Variants in PLD5 observed in about 807,000 individuals in gnomAD.
The protein encoded by PLD5 is phospholipase D family member 5.
Under a neutral mutation model 61.1 loss-of-function variants are expected in PLD5, and 36 were observed. The observed-to-expected ratio is 0.59, with a 90% CI of 0.45 to 0.78. The LOEUF is 0.78. Ranked by LOEUF, PLD5 falls within the 30% of genes least tolerant of loss-of-function variation. The probability of loss-of-function intolerance (pLI) is 0.00; values close to 1 mark genes in which losing one functional copy is unlikely to be tolerated. For synonymous variants in PLD5, 243 were observed against 242.8 expected, an observed-to-expected ratio of 1.00 and a Z score of -0.01; for missense variants, 515 against 644.4, an observed-to-expected ratio of 0.80 and a Z score of 2.17.
At chr1:242,395,145 T>A (rs1228881313) in intron 1 of PLD5, among the ~76,000 whole-genome samples, 1 of 148,228 alleles carries the variant, frequency 6.7e-6, no homozygotes, top group African/African-American at 2.5e-5. Flanking sequence ...ATATTTTAAA[T>A]AGAGCTATTC....
At chr1:242,502,895 T>C (rs1252414250) in intron 1 of PLD5, among the ~76,000 whole-genome samples, 2 of 152,030 alleles carry the variant, frequency 1.3e-5, no homozygotes, top group Non-Finnish European at 2.9e-5. Flanking sequence ...ACCCTGTCTC[T>C]ACTAAAAATA....
intron 9 of PLD5, among the ~76,000 whole-genome samples, chr1:242,094,601 C>T (rs749626230): frequency 6.6e-6 from 1 of 151,872 alleles, no homozygotes; most frequent in South Asian, 2.1e-4. Context: ...TAGAACTGTG[C>T]TTCAGTCTAG....
At chr1:242,514,259 A>C (rs1669029086) in intron 1 of PLD5, among the ~76,000 whole-genome samples, 1 of 152,170 alleles carries the variant, frequency 6.6e-6, no homozygotes, top group Admixed American at 6.5e-5. Context: ...TGCTCTCCCA[A>C]ACAGTTTTTG....
chr1:242,391,719 C>G (rs1190724802), intron 1 of PLD5, among the ~76,000 whole-genome samples: 1 of 152,124 alleles, frequency 6.6e-6, no homozygotes, highest in Admixed American at 6.6e-5. Flanking sequence ...AAATAGTAAT[C>G]AGATGCCAGG....
intron 1 of PLD5, among the ~76,000 whole-genome samples, chr1:242,402,311 CTT>C (rs1663983889): frequency 6.6e-6 from 1 of 152,200 alleles, no homozygotes; most frequent in African/African-American, 2.4e-5. Context: ...TTGCATGAAT[CTT>C]TACCACATTG....
intron 3 of PLD5, among the ~76,000 whole-genome samples, chr1:242,267,004 C>T (rs1673718728): frequency 6.6e-6 from 1 of 152,054 alleles, no homozygotes; most frequent in African/African-American, 2.4e-5. Flanking sequence ...GTAATCCCAG[C>T]TACCCTGGAG....
chr1:242,280,445 T>G, intron 3 of PLD5, among the ~76,000 whole-genome samples: 1 of 135,452 alleles, frequency 7.4e-6, no homozygotes, highest in African/African-American at 2.5e-5. Flanking sequence ...TTTATACGTG[T>G]TTTATTTTTC....
chr1:242,146,317 T>C (rs1664538517), intron 5 of PLD5, among the ~76,000 whole-genome samples: 1 of 152,224 alleles, frequency 6.6e-6, no homozygotes, highest in African/African-American at 2.4e-5. Flanking sequence ...AATGACCTTT[T>C]TAATTTGTAA....
At chr1:242,516,712 C>T in intron 1 of PLD5, among the ~76,000 whole-genome samples, 1 of 152,278 alleles carries the variant, frequency 6.6e-6, no homozygotes, top group African/African-American at 2.4e-5. Flanking sequence ...TACCACACTG[C>T]TTTAATTAAT....
chr1:242,311,903 C>G (rs1676718137), intron 2 of PLD5, among the ~76,000 whole-genome samples: 1 of 110,906 alleles, frequency 9.0e-6, no homozygotes, highest in African/African-American at 3.4e-5. Context: ...TTTTGTTATT[C>G]TCTTTTCTTT....
At chr1:242,216,651 C>G (rs766817482) in intron 5 of PLD5, among the ~76,000 whole-genome samples, 6 of 152,222 alleles carry the variant, frequency 3.9e-5, no homozygotes, top group Non-Finnish European at 7.3e-5. Flanking sequence ...GGCCACGACT[C>G]TTTACAGCAC....
At chr1:242,093,280 G>A (rs919201163) in intron 9 of PLD5, among the ~76,000 whole-genome samples, 4 of 152,104 alleles carry the variant, frequency 2.6e-5, no homozygotes, top group South Asian at 2.1e-4. Flanking sequence ...AGTAGCTCCC[G>A]TGGGTTGAGT....
chr1:242,328,351 GTGTGTTCTACATA>G (rs1029907654), intron 2 of PLD5, among the ~76,000 whole-genome samples: 5 of 151,796 alleles, frequency 3.3e-5, no homozygotes, highest in Middle Eastern at 3.4e-3. Context: ...TGTTCTACAT[GTGTGTTCTACATA>G]TGTGTTCTAC....
chr1:242,432,445 G>A (rs1425963691), intron 1 of PLD5, among the ~76,000 whole-genome samples: 2 of 152,198 alleles, frequency 1.3e-5, no homozygotes, highest in Non-Finnish European at 2.9e-5. Context: ...AATATGGGAG[G>A]GGCCTTCATT....
chr1:242,241,868 A>AATAT (rs1672030581), intron 4 of PLD5, among the ~76,000 whole-genome samples: 1 of 84,798 alleles, frequency 1.2e-5, no homozygotes, highest in African/African-American at 3.9e-5. Context: ...TGCTTTACTT[A>AATAT]CTATATATAT....
At chr1:242,331,214 G>C (rs1659148863) in intron 2 of PLD5, among the ~76,000 whole-genome samples, 1 of 152,158 alleles carries the variant, frequency 6.6e-6, no homozygotes, top group Admixed American at 6.5e-5. Flanking sequence ...CGTTCTAGAA[G>C]AGACGACAGT....
At chr1:242,398,771 T>A (rs2149275984) in intron 1 of PLD5, among the ~76,000 whole-genome samples, 1 of 152,290 alleles carries the variant, frequency 6.6e-6, no homozygotes, top group South Asian at 2.1e-4. Context: ...TTTGCGAACT[T>A]CCAGCGTTGC....
intron 5 of PLD5, among the ~76,000 whole-genome samples, chr1:242,126,195 C>T (rs889098450): frequency 6.6e-6 from 1 of 152,188 alleles, no homozygotes; most frequent in African/African-American, 2.4e-5. Flanking sequence ...ATCCCATGCT[C>T]ATGGATGGGT....
chr1:242,481,729 A>T (rs1008238782), intron 1 of PLD5, among the ~76,000 whole-genome samples: 1 of 152,202 alleles, frequency 6.6e-6, no homozygotes, highest in Admixed American at 6.5e-5. Flanking sequence ...CCCAGCACAG[A>T]GCTTGAGATC....
Sources: allele counts gnomAD v4.1 joint callset (sites outside exome capture counted in the v4.1 genomes callset), GRCh38; gene constraint gnomAD v4.1.1; transcripts MANE v1.5; gene names NCBI Gene and HGNC (gene_info 2026-07-23, HGNC 2026-07-21).